Variants in PITPNC1 observed in about 807,000 individuals in gnomAD.
PITPNC1 encodes the protein cytoplasmic phosphatidylinositol transfer protein 1.
A neutral mutation model predicts 44.7 loss-of-function variants in PITPNC1; 18 were observed. The observed-to-expected ratio is 0.40, with a 90% confidence interval of 0.28 to 0.60. PITPNC1 has a LOEUF of 0.60. Ranked by LOEUF, PITPNC1 falls within the 20% of genes least tolerant of loss-of-function variation. PITPNC1 has a pLI of 0.39. For synonymous variants in PITPNC1, 141 were observed against 149.6 expected, an observed-to-expected ratio of 0.94 and a Z score of 0.42; for missense variants, 290 against 418.4, an observed-to-expected ratio of 0.69 and a Z score of 2.68.
intron 1 of PITPNC1, among the ~76,000 whole-genome samples, chr17:67,530,463 A>G (rs1450291490): frequency 3.3e-5 from 5 of 152,030 alleles, no homozygotes; most frequent in African/African-American, 1.2e-4. Flanking sequence ...GTCCCTGTCT[A>G]AGTTTCCCTT....
At chr17:67,451,626 G>A (rs1054730059) in intron 1 of PITPNC1, among the ~76,000 whole-genome samples, 1 of 151,162 alleles carries the variant, frequency 6.6e-6, no homozygotes, top group Non-Finnish European at 1.5e-5. Flanking sequence ...CTTTGAGACT[G>A]ACCTTTTTTT....
chr17:67,439,570 C>G (rs1226195528), intron 1 of PITPNC1, among the ~76,000 whole-genome samples: 1 of 152,004 alleles, frequency 6.6e-6, no homozygotes, highest in Admixed American at 6.6e-5. Context: ...CAGCCTTGGG[C>G]GGGGGCCTGA....
intron 5 of PITPNC1, among the ~76,000 whole-genome samples, chr17:67,599,022 ATATATATATATAT>A (rs1176959381): frequency 0.012 from 488 of 41,802 alleles, 9 homozygotes; most frequent in African/African-American, 0.042. Flanking sequence ...ATATATATAT[ATATATATATATAT>A]TTTTTTTTTT....
At position 67,451,700 on chromosome 17, in the gene PITPNC1, G is replaced by A. The variant is rs560215242; in HGVS notation, c.48+73498G>A. Among the ~76,000 whole-genome samples the A allele has an allele frequency of 2.2e-3, 332 of 150,336 alleles. 2 individuals are homozygous for A. Among genetic ancestry groups the A allele is most frequent in the African/African-American group, 7.9e-3 (323 of 40,866 alleles). ...GTCGCCCAGGCTGGAGTGCAGTGGC[G>A]CGATCTCGGCTCACTGCAATCTCCG... On this transcript the variant is annotated intron_variant, in intron 1 of 8. Coordinates refer to ENST00000581322, the MANE Select transcript of PITPNC1 (RefSeq NM_012417.4).
intron 5 of PITPNC1, among the ~76,000 whole-genome samples, chr17:67,608,234 T>TAAAAAAAAAA (rs150137801): frequency 1.6e-5 from 2 of 122,326 alleles, no homozygotes; most frequent in Non-Finnish European, 1.7e-5. Flanking sequence ...AAATGTCAAT[T>TAAAAAAAAAA]AAAAAAAAAA....
At chr17:67,399,817 C>G (rs1215817932) in intron 1 of PITPNC1, among the ~76,000 whole-genome samples, 6 of 152,190 alleles carry the variant, frequency 3.9e-5, no homozygotes, top group Admixed American at 3.9e-4. Context: ...GCCAAAGTAC[C>G]TGTAAGTTGC....
intron 1 of PITPNC1, among the ~76,000 whole-genome samples, chr17:67,498,057 T>C (rs2039979526): frequency 6.6e-6 from 1 of 151,038 alleles, no homozygotes; most frequent in Non-Finnish European, 1.5e-5. Context: ...AGACGGGGTT[T>C]GGAGTTTTCA....
At chr17:67,669,435 T>A in intron 6 of PITPNC1, 73 bp from the exon 7 acceptor site, 1 of 1,102,318 alleles carries the variant, frequency 9.1e-7, no homozygotes, top group Non-Finnish European at 1.3e-6. Flanking sequence ...TGTTATTTAA[T>A]ACTTATTCCT....
At chr17:67,430,604 G>A (rs2038842128) in intron 1 of PITPNC1, among the ~76,000 whole-genome samples, 1 of 152,058 alleles carries the variant, frequency 6.6e-6, no homozygotes, top group South Asian at 2.1e-4. Context: ...GATTGCTTGA[G>A]GTCAGGAGTT....
chr17:67,561,455 CA>C (rs554951008), intron 4 of PITPNC1, among the ~76,000 whole-genome samples: 215 of 134,160 alleles, frequency 1.6e-3, no homozygotes, highest in Middle Eastern at 3.7e-3. Flanking sequence ...GACTCTGTCT[CA>C]AAAAAAAAAA....
At chr17:67,431,850 G>A (rs2038861458) in intron 1 of PITPNC1, among the ~76,000 whole-genome samples, 1 of 152,142 alleles carries the variant, frequency 6.6e-6, no homozygotes. Flanking sequence ...TTGTCTTAAT[G>A]TCATGACTGT....
intron 1 of PITPNC1, among the ~76,000 whole-genome samples, chr17:67,394,953 T>C (rs2038195474): frequency 6.6e-6 from 1 of 151,842 alleles, no homozygotes; most frequent in African/African-American, 2.4e-5. Context: ...CTCAACACTT[T>C]GGGAGGATGA....
At chr17:67,477,964 G>C (rs1318050430) in intron 1 of PITPNC1, among the ~76,000 whole-genome samples, 2 of 152,172 alleles carry the variant, frequency 1.3e-5, no homozygotes, top group African/African-American at 2.4e-5. Flanking sequence ...CCTGTTGAGA[G>C]TGATGGCATG....
At chr17:67,503,723 A>T (rs1408166108) in intron 1 of PITPNC1, among the ~76,000 whole-genome samples, 1 of 152,112 alleles carries the variant, frequency 6.6e-6, no homozygotes, top group African/African-American at 2.4e-5. Context: ...GAGGTAGTAG[A>T]TGATTTTTAG....
At chr17:67,653,924 C>T (rs28715545) in intron 6 of PITPNC1, among the ~76,000 whole-genome samples, 59 of 152,300 alleles carry the variant, frequency 3.9e-4, no homozygotes, top group African/African-American at 1.3e-3. Flanking sequence ...TGAAGGCTGC[C>T]GGACTTTGAG....
Position 67,399,487 on chromosome 17 carries a change from T to G in PITPNC1, c.48+21285T>G, listed in dbSNP as rs562128809. Reference sequence around the variant, plus strand: ...TGCGTTGTTGATGTTGAGAGTTGTCTCCGCTGCTTTACCACACATTTTGAA... The same window carrying G: ...TGCGTTGTTGATGTTGAGAGTTGTCGCCGCTGCTTTACCACACATTTTGAA... On this transcript the variant is annotated intron_variant, in intron 1 of 8. Transcript: ENST00000581322. Among the ~76,000 whole-genome samples, 94 of 152,322 alleles carry G rather than the reference T, an allele frequency of 6.2e-4. 1 individual carries two copies. The highest frequency in any genetic ancestry group is 2.2e-3 in the African/African-American group (93 of 41,564).
intron 4 of PITPNC1, among the ~76,000 whole-genome samples, chr17:67,561,497 G>C (rs1419538138): frequency 6.6e-6 from 1 of 150,406 alleles, no homozygotes; most frequent in Non-Finnish European, 1.5e-5. Context: ...TGAGGTCTTT[G>C]ATCTTTTTGA....
chr17:67,603,061 A>G (rs2041562598), intron 5 of PITPNC1, among the ~76,000 whole-genome samples: 2 of 152,116 alleles, frequency 1.3e-5, no homozygotes, highest in Non-Finnish European at 2.9e-5. Context: ...CTCTTACACC[A>G]GAGCCAGTGG....
At chr17:67,513,256 C>T (rs754946103) in intron 1 of PITPNC1, among the ~76,000 whole-genome samples, 17 of 151,510 alleles carry the variant, frequency 1.1e-4, no homozygotes, top group Non-Finnish European at 2.1e-4. Flanking sequence ...CCCAGCTACT[C>T]GGGAGGCTAA....
Sources: allele counts gnomAD v4.1 joint callset (sites outside exome capture counted in the v4.1 genomes callset), GRCh38; gene constraint gnomAD v4.1.1; transcripts MANE v1.5; gene names NCBI Gene and HGNC (gene_info 2026-07-23, HGNC 2026-07-21).